The following PLS1 variants were observed in gnomAD, a reference collection of about 807,000 sequenced individuals.
The protein encoded by PLS1 is plastin 1, also known as plastin-1.
PLS1 carries 32 observed loss-of-function variants against 73.7 expected under a neutral mutation model. The observed-to-expected ratio is 0.43, with a 90% CI of 0.33 to 0.58. The LOEUF is 0.58. PLS1 is among the 20% of genes least tolerant of loss of function. The pLI is 0.04. For synonymous variants in PLS1, 217 were observed against 261.3 expected (o/e 0.83, Z 1.63); for missense variants, 633 against 740.5 (o/e 0.85, Z 1.68).
intron 6 of PLS1, among the ~76,000 whole-genome samples, chr3:142,683,243 G>A (rs575452566): frequency 3.3e-5 from 5 of 152,194 alleles, no homozygotes; most frequent in African/African-American, 9.7e-5. Context: ...GGTGGCTCAC[G>A]CCTGTAATCC....
chr3:142,683,980 G>A, intron 6 of PLS1, 26 bp from the exon 7 acceptor site: 1 of 1,572,856 alleles, frequency 6.4e-7, no homozygotes, highest in Non-Finnish European at 8.6e-7. Flanking sequence ...ACTTCCTCAT[G>A]TGTACTTTTT....
At chr3:142,611,625 A>C (rs1428430745) in intron 1 of PLS1, among the ~76,000 whole-genome samples, 4 of 152,130 alleles carry the variant, frequency 2.6e-5, no homozygotes, top group Non-Finnish European at 5.9e-5. Flanking sequence ...TTGTCTCCCC[A>C]AAATTTTTTA....
chr3:142,618,976 T>G (rs2036266020), intron 1 of PLS1, among the ~76,000 whole-genome samples: 1 of 152,216 alleles, frequency 6.6e-6, no homozygotes, highest in South Asian at 2.1e-4. Context: ...TTATCCTGCC[T>G]GCCACAGATG....
intron 1 of PLS1, among the ~76,000 whole-genome samples, chr3:142,655,964 T>G (rs2037227126): frequency 6.6e-6 from 1 of 152,130 alleles, no homozygotes; most frequent in Non-Finnish European, 1.5e-5. Flanking sequence ...TTAATTACTT[T>G]TTTTTGTTTG....
chr3:142,670,476 T>C (rs943925496), intron 3 of PLS1, among the ~76,000 whole-genome samples: 1 of 151,870 alleles, frequency 6.6e-6, no homozygotes, highest in African/African-American at 2.4e-5. Context: ...AGATCAGATT[T>C]GCATTTAAAA....
chr3:142,656,244 G>A (rs376574011), intron 1 of PLS1, among the ~76,000 whole-genome samples: 1 of 152,222 alleles, frequency 6.6e-6, no homozygotes, highest in East Asian at 1.9e-4. Flanking sequence ...TTACAGGCAT[G>A]AGCCACTGCA....
intron 1 of PLS1, among the ~76,000 whole-genome samples, chr3:142,630,939 A>ACG: frequency 4.3e-5 from 1 of 23,488 alleles, no homozygotes; most frequent in South Asian, 7.8e-4. Context: ...ATGTAAATAA[A>ACG]CACACACACA....
At chr3:142,661,054 G>C (rs1316009271) in intron 1 of PLS1, among the ~76,000 whole-genome samples, 4 of 152,120 alleles carry the variant, frequency 2.6e-5, no homozygotes, top group African/African-American at 9.7e-5. Context: ...AAAGCATTTT[G>C]AATACAGGAA....
chr3:142,710,680 G>A (rs995248568), intron 14 of PLS1, among the ~76,000 whole-genome samples: 2 of 152,154 alleles, frequency 1.3e-5, no homozygotes, highest in Non-Finnish European at 1.5e-5. Flanking sequence ...TATGAAAGAA[G>A]TAAAGAGTGT....
intron 1 of PLS1, among the ~76,000 whole-genome samples, chr3:142,599,485 G>A (rs563603731): frequency 5.4e-4 from 81 of 151,164 alleles, no homozygotes; most frequent in Non-Finnish European, 8.9e-4. Flanking sequence ...GCCCGCCACC[G>A]CGCCCGGCTA....
chr3:142,671,456 G>A (rs184351907), intron 4 of PLS1, among the ~76,000 whole-genome samples: 51 of 152,180 alleles, frequency 3.4e-4, no homozygotes, highest in African/African-American at 1.2e-3. Flanking sequence ...CTTTTCAATG[G>A]CTTTTCATCC....
At chr3:142,616,174 T>A (rs993594666) in intron 1 of PLS1, among the ~76,000 whole-genome samples, 5 of 152,128 alleles carry the variant, frequency 3.3e-5, no homozygotes, top group African/African-American at 1.2e-4. Context: ...CATGGAAACA[T>A]AAAGATAAAG....
intron 6 of PLS1, among the ~76,000 whole-genome samples, chr3:142,679,744 C>T (rs2037807186): frequency 6.6e-6 from 1 of 152,100 alleles, no homozygotes; most frequent in African/African-American, 2.4e-5. Flanking sequence ...TTAGGATTGA[C>T]TTGGCAATGC....
intron 1 of PLS1, among the ~76,000 whole-genome samples, chr3:142,648,394 G>T (rs970696504): frequency 6.6e-6 from 1 of 152,132 alleles, no homozygotes; most frequent in African/African-American, 2.4e-5. Context: ...TAAAATTGTT[G>T]CGGCTGTGAT....
chr3:142,702,264 C>T (rs1419569517), intron 12 of PLS1, among the ~76,000 whole-genome samples: 1 of 152,198 alleles, frequency 6.6e-6, no homozygotes, highest in African/African-American at 2.4e-5. Context: ...ACATTTTATT[C>T]AATTTGTGAA....
At chr3:142,620,304 T>C (rs1003304232) in intron 1 of PLS1, among the ~76,000 whole-genome samples, 4 of 152,022 alleles carry the variant, frequency 2.6e-5, no homozygotes, top group Non-Finnish European at 5.9e-5. Context: ...TTTTTGTATT[T>C]GTAGTACAGA....
intron 14 of PLS1, 94 bp downstream of exon 14, chr3:142,704,680 G>A (rs1371999891): frequency 7.3e-6 from 4 of 548,878 alleles, no homozygotes; most frequent in African/African-American, 2.9e-5. Flanking sequence ...ATGGAGTCTC[G>A]CTCTGTCACC....
chr3:142,685,452 GTTC>G (rs543677943), intron 8 of PLS1, among the ~76,000 whole-genome samples: 2 of 152,130 alleles, frequency 1.3e-5, no homozygotes, highest in South Asian at 2.1e-4. Flanking sequence ...TGGCTGGGTG[GTTC>G]TTCTGCTTCA....
chr3:142,669,600 A>G (rs1486127875), intron 3 of PLS1, 47 bp downstream of exon 3: 4 of 1,383,930 alleles, frequency 2.9e-6, no homozygotes, highest in Non-Finnish European at 4.0e-6. Context: ...TGCTTAGAGC[A>G]GAATTGTAGT....
Sources: gnomAD v4.1 joint callset for allele counts (sites outside exome capture counted in the v4.1 genomes callset) on GRCh38, gnomAD v4.1.1 for gene constraint, MANE v1.5 for transcripts, NCBI Gene and HGNC (gene_info 2026-07-23, HGNC 2026-07-21) for gene names.